KMT2A: variants seen among roughly 807,000 people sequenced by gnomAD.
The protein encoded by KMT2A is lysine methyltransferase 2A.
Under a neutral mutation model 345.3 loss-of-function variants are expected in KMT2A, and 16 were observed. The ratio of observed to expected loss-of-function variants is 0.05; its 90% CI spans 0.03 to 0.07. The LOEUF is 0.07. Among genes scored for constraint, KMT2A ranks in the 10% least tolerant of loss-of-function variants. KMT2A has a pLI of 1.00. For missense variants in KMT2A, 3,272 were observed against 4,841.6 expected (o/e 0.68, Z 9.62); for synonymous variants, 1,599 against 1,778.6 (o/e 0.90, Z 2.54).
rs782033811 is a variant in KMT2A, at chr11:118,503,905, C to G, written c.8013C>G (p.Ala2671=). ...KRSAEGQVDG[A]DDLSTSDEDD... is the part of the protein sequence containing the mutation. Reference sequence around the variant, plus strand: ...CAGCTGAAGGACAGGTGGATGGGGCCGATGACTTAAGCACTTCAGATGAAG... The same window carrying G: ...CAGCTGAAGGACAGGTGGATGGGGCGGATGACTTAAGCACTTCAGATGAAG... The change falls in exon 27 of 36, where the codon GCC becomes GCG. Residue 2671 remains alanine (A), a synonymous_variant. Transcript: ENST00000534358. The surrounding 1 kb of genome is among the most constrained non-coding windows in gnomAD (Gnocchi z 5.3). 1.7e-5 allele frequency: 27 copies of G among 1,614,024 alleles called. No homozygotes were observed. Among genetic ancestry groups the G allele is most frequent in the Non-Finnish European group, 2.2e-5 (26 of 1,180,036 alleles).
At chr11:118,506,723 C>T in intron 27 of KMT2A, 77 bp downstream of exon 27, 1 of 1,396,542 alleles carries the variant, frequency 7.2e-7, no homozygotes, top group South Asian at 1.4e-5. Context: ...ATGTGGTAGT[C>T]CGGGAGAGAC....
intron 1 of KMT2A, among the ~76,000 whole-genome samples, chr11:118,437,919 G>A (rs1467564383): frequency 6.6e-6 from 1 of 151,888 alleles, no homozygotes; most frequent in Non-Finnish European, 1.5e-5. Flanking sequence ...GTGTTTGTTG[G>A]GGGACTGAGG....
chr11:118,507,518 C>A lies in KMT2A; in HGVS notation c.10755-11C>A. 6.2e-7 allele frequency: 1 copy of A among 1,612,858 alleles called. No homozygotes were observed. Among genetic ancestry groups the A allele is most frequent in the Non-Finnish European group, 8.5e-7 (1 of 1,178,878 alleles). ...GTTTGTCTTGAAAAGATACAAATGC[C>A]TGTGTTCCAGGACTCCAGGAGCAGA... On this transcript the variant is annotated splice_polypyrimidine_tract_variant and intron_variant, in intron 27 of 35. Transcript: ENST00000534358.
Position 118,501,855 on chromosome 11 carries a change from C to T in KMT2A, c.6503C>T (p.Ala2168Val), listed in dbSNP as rs1390377864. 1 of 1,610,530 alleles carries T rather than the reference C, an allele frequency of 6.2e-7. No individual in the cohort carries two copies. Among genetic ancestry groups the T allele is most frequent in the African/African-American group, 1.3e-5 (1 of 74,796 alleles). ...CCTGGCTGTCGACCGTTGCCTTCTG[C>T]AGGTAAAAGACTTTATTGACCTACT... is the stretch of plus-strand genomic sequence containing the variant. ...RSPGCRPLPS[A>V]GSPTPTTHEI... The change falls in exon 26 of 36, where the codon GCA (alanine) becomes GTA (valine). Residue 2168 changes from alanine to valine, a missense_variant and splice_region_variant. Physicochemically the swap from Ala to Val is moderately conservative, Grantham distance 64. Around this residue, in one of 27 missense-constraint regions of KMT2A, gnomAD observed 14 missense variants for 38.4 expected, o/e 0.36. Coordinates refer to ENST00000534358, the MANE Select transcript of KMT2A (RefSeq NM_001197104.2).
intron 31 of KMT2A, among the ~76,000 whole-genome samples, chr11:118,514,440 CT>C (rs797029052): frequency 9.1e-4 from 129 of 141,756 alleles, no homozygotes; most frequent in Non-Finnish European, 8.8e-4. Context: ...ATCCATGTGT[CT>C]TTTTTTTTTT....
intron 1 of KMT2A, chr11:118,448,067 T>C (rs1949458372): frequency 6.5e-6 from 1 of 152,914 alleles, no homozygotes; most frequent in African/African-American, 2.4e-5. Context: ...AAGCAATAAT[T>C]ACTTTCCAGT....
rs1458784752 is a variant in KMT2A, at chr11:118,503,626, CAAT to C, written c.7739_7741del (p.Asn2580del). On this transcript the variant is annotated inframe_deletion, in exon 27 of 36. Transcript: ENST00000534358. The surrounding 1 kb of genome is among the most constrained non-coding windows in gnomAD (Gnocchi z 5.3). ...ATGGTCCAGTGGCCCAACCAAGCCC[CAAT>C]AATACCTCATGCCAGGATTCTCAAA... 1 of 1,614,174 alleles carries C rather than the reference CAAT, an allele frequency of 6.2e-7. No individual in the cohort carries two copies. Among genetic ancestry groups the C allele is most frequent in the South Asian group, 1.1e-5 (1 of 91,076 alleles).
intron 1 of KMT2A, 70 bp downstream of exon 1, chr11:118,437,014 G>A (rs1350259163): frequency 2.2e-6 from 3 of 1,351,554 alleles, no homozygotes; most frequent in Non-Finnish European, 2.9e-6. Flanking sequence ...TCCCCCATCC[G>A]GGATTGAGGA....
chr11:118,440,513 CAG>C (rs759510518), intron 1 of KMT2A, among the ~76,000 whole-genome samples: 4 of 152,142 alleles, frequency 2.6e-5, no homozygotes, highest in Admixed American at 2.0e-4. Context: ...ACCCCTGAAA[CAG>C]TGTGTTTATC....
Position 118,474,179 on chromosome 11 carries a change from G to T in KMT2A, c.3020G>T (p.Gly1007Val). 6.2e-7 allele frequency: 1 copy of T among 1,614,034 alleles called. No individual in the cohort carries two copies. ...GTTAAACATTCCACTTCCTCCATAG[G>T]CTCCATGTTGGCTCAGGCAGACAAG... ...STVKHSTSSI[G>V]SMLAQADKLP... Residue 1007 changes from glycine to valine, a missense_variant, in exon 3 of 36, where the codon GGC becomes GTC. Coordinates refer to ENST00000534358, the MANE Select transcript of KMT2A (RefSeq NM_001197104.2).
chr11:118,502,207 C>T lies in KMT2A; in HGVS notation c.6506-191C>T, dbSNP rs1355931467. ...GGTGGAGGTTGCAGTAAGCCGAGAT[C>T]GCACCACTGCACTCCAGCTTGGGTG... On this transcript the variant is annotated intron_variant, in intron 26 of 35. Coordinates refer to ENST00000534358, the MANE Select transcript of KMT2A (RefSeq NM_001197104.2). The surrounding 1 kb of genome is among the most constrained non-coding windows in gnomAD (Gnocchi z 4.9). Among the ~76,000 whole-genome samples the T allele has an allele frequency of 6.6e-6, 1 of 151,946 alleles. No individual in the cohort carries two copies. Among genetic ancestry groups the T allele is most frequent in the Middle Eastern group, 3.2e-3 (1 of 316 alleles).
intron 1 of KMT2A, chr11:118,447,788 A>T: frequency 3.7e-6 from 1 of 268,108 alleles, no homozygotes; most frequent in Admixed American, 4.9e-5. Context: ...ATCCATTATT[A>T]GGAATGGTAA....
At chr11:118,500,685 T>C (rs1427227664) in intron 24 of KMT2A, 1 of 211,520 alleles carries the variant, frequency 4.7e-6, no homozygotes, top group Non-Finnish European at 9.5e-6. Context: ...CAAAACTAAT[T>C]TTTGTAATGG....
At chr11:118,517,147 T>G (rs4938512) in intron 31 of KMT2A, among the ~76,000 whole-genome samples, 151,253 of 152,100 alleles carry the variant, frequency 0.99, 75,211 homozygotes, top group South Asian at 1. Flanking sequence ...TGTAATCCCA[T>G]CACTTTGGGA....
rs781872678 is a variant in KMT2A, at chr11:118,494,438, A to G, written c.5289+40A>G. The G allele has an allele frequency of 5.6e-6, 6 of 1,067,916 alleles. No individual in the cohort carries two copies. Among genetic ancestry groups the G allele is most frequent in the South Asian group, 3.9e-5 (3 of 77,202 alleles). 66.2% of individuals were successfully genotyped at this position (1,067,916 alleles called of 1,614,324 possible). A position where few individuals can be genotyped will look rare whatever the true frequency, so the allele number is the denominator to read the frequency against. ...TAATTCATGTTTTTAATGCTTACCTATAAGTAATTACCCTGTGAATACAAT... is the reference window on the plus strand; with the variant it reads ...TAATTCATGTTTTTAATGCTTACCTGTAAGTAATTACCCTGTGAATACAAT... On this transcript the variant is annotated intron_variant, in intron 17 of 35. Transcript: ENST00000534358. The surrounding 1 kb of genome is among the most constrained non-coding windows in gnomAD (Gnocchi z 5.8).
intron 31 of KMT2A, among the ~76,000 whole-genome samples, chr11:118,515,088 A>C (rs1366655584): frequency 6.6e-6 from 1 of 152,206 alleles, no homozygotes; most frequent in Non-Finnish European, 1.5e-5. Flanking sequence ...CTTAAAGTGT[A>C]GCCTATAGGT....
In KMT2A at chr11:118,436,782, G is replaced by C. The variant is rs781959322; in HGVS notation, c.270G>C (p.Ser90=). Reference sequence around the variant, plus strand: ...CAGCAGCCTCCTCGTCGTCCGCCTCGTCTTCGTCTTCGTCATCGTCCTCAG... The same window carrying C: ...CAGCAGCCTCCTCGTCGTCCGCCTCCTCTTCGTCTTCGTCATCGTCCTCAG... ...AASAASSSSA[S]SSSSSSSSAS... is the part of the protein sequence containing the mutation. Residue 90 remains serine, a synonymous_variant, in exon 1 of 36, where the codon TCG becomes TCC. Coordinates refer to ENST00000534358, the MANE Select transcript of KMT2A (RefSeq NM_001197104.2). The surrounding 1 kb of genome is among the most constrained non-coding windows in gnomAD (Gnocchi z 6.9). 2 of 1,605,162 alleles carry C rather than the reference G, an allele frequency of 1.2e-6. No homozygotes were observed. The highest frequency in any genetic ancestry group is 1.7e-6 in the Non-Finnish European group (2 of 1,176,188).
Position 118,526,077 on chromosome 11 carries a change from T to C in KMT2A, c.*3905T>C. 2 of 219,192 alleles carry C rather than the reference T, an allele frequency of 9.1e-6. No homozygotes were observed. The highest frequency in any genetic ancestry group is 1.2e-4 in the Admixed American group (2 of 17,266). 13.6% of individuals were successfully genotyped at this position (219,192 alleles called of 1,614,324 possible). A position where few individuals can be genotyped will look rare whatever the true frequency, so the allele number is the denominator to read the frequency against. On this transcript the variant is annotated 3_prime_UTR_variant, in exon 36 of 36. Coordinates refer to ENST00000534358, the MANE Select transcript of KMT2A (RefSeq NM_001197104.2). ...ATTCTCTTAACACTATAGATAAGGA[T>C]TGTGTTACAGTTGCTAGTAGCGGCA...
Position 118,503,207 on chromosome 11 carries a change from A to T in KMT2A, c.7315A>T (p.Thr2439Ser). The T allele has an allele frequency of 6.2e-7, 1 of 1,614,096 alleles. No individual in the cohort carries two copies. The highest frequency in any genetic ancestry group is 1.3e-5 in the African/African-American group (1 of 75,026). ...RQKGKKSCKE[T>S]FKEKHSSKSF... Reference sequence around the variant, plus strand: ...GAAAGGGAAAAAATCCTGTAAAGAAACTTTCAAAGAAAAGCATTCCAGTAA... The same window carrying T: ...GAAAGGGAAAAAATCCTGTAAAGAATCTTTCAAAGAAAAGCATTCCAGTAA... The change falls in exon 27 of 36, where the codon ACT becomes TCT. Residue 2439 changes from threonine (T) to serine (S), a missense_variant. Physicochemically the swap from Thr to Ser is moderately conservative, Grantham distance 58. Transcript: ENST00000534358. The surrounding 1 kb of genome is among the most constrained non-coding windows in gnomAD (Gnocchi z 5.3).
Sources: allele counts gnomAD v4.1 joint callset (sites outside exome capture counted in the v4.1 genomes callset), GRCh38; gene constraint gnomAD v4.1.1; regional missense constraint gnomAD v4.1.1; non-coding constraint Gnocchi (gnomAD v3.1); transcripts MANE v1.5; gene names NCBI Gene and HGNC (gene_info 2026-07-23, HGNC 2026-07-21).